Variants in SLURP1 observed in about 807,000 individuals in gnomAD.
SLURP1 encodes secreted LY6/PLAUR domain containing 1, also known as secreted Ly-6/uPAR-related protein 1.
SLURP1 carries 2 observed loss-of-function variants against 7.9 expected under a neutral mutation model. That is an observed-to-expected ratio of 0.25 (90% confidence interval 0.10 to 0.79). The LOEUF is 0.79. SLURP1 is among the 30% of genes least tolerant of loss of function. The pLI is 0.69. For synonymous variants in SLURP1, 59 were observed against 54.9 expected (o/e 1.07, Z -0.33); for missense variants, 111 against 139.8 (o/e 0.79, Z 1.04).
At position 142,741,031 on chromosome 8, in the gene SLURP1, T is replaced by A. The variant is rs1164404151; in HGVS notation, c.*112A>T. The A allele has an allele frequency of 6.6e-7, 1 of 1,513,016 alleles. No homozygotes were observed. The highest frequency in any genetic ancestry group is 9.0e-7 in the Non-Finnish European group (1 of 1,107,234). 93.7% of individuals were successfully genotyped at this position (1,513,016 alleles called of 1,614,324 possible). On this transcript the variant is annotated 3_prime_UTR_variant, in exon 3 of 3. Transcript: ENST00000246515. The surrounding 1 kb of genome is among the most constrained non-coding windows in gnomAD (Gnocchi z 4.3). ...TGTGCTTCTCTCCCCTCAGACCCCA[T>A]GAGTGAGCTGTGCCACAGCAGCAGG...
rs1563825874 is a variant in SLURP1, at chr8:142,741,673, T to C, written c.178+130A>G. 6.9e-7 allele frequency: 1 copy of C among 1,447,000 alleles called. No homozygotes were observed. The highest frequency in any genetic ancestry group is 1.4e-5 in the African/African-American group (1 of 72,064). 89.6% of individuals were successfully genotyped at this position (1,447,000 alleles called of 1,614,324 possible). On this transcript the variant is annotated intron_variant, in intron 2 of 2. Coordinates refer to ENST00000246515, the MANE Select transcript of SLURP1 (RefSeq NM_020427.3). This position sits in a 1 kb window ranked among gnomAD's most constrained non-coding sequence, Gnocchi z 4.3. ...CGTGGAAGGCACCCCTGCCAAGGTG[T>C]GGCAGCCTGTTCTGCCCATCCCACC...
intron 1 of SLURP1, 124 bp from the exon 2 acceptor site, chr8:142,742,046 G>A (rs1028595873): frequency 1.1e-5 from 16 of 1,462,842 alleles, no homozygotes; most frequent in Middle Eastern, 1.8e-4. Flanking sequence ...CCTTCAAGGG[G>A]CCTCTCTGGC....
At position 142,741,378 on chromosome 8, in the gene SLURP1, C is replaced by A. The variant is rs112823881; in HGVS notation, c.179-102G>T. 1.4e-3 allele frequency: 2,066 copies of A among 1,458,050 alleles called. 25 individuals are homozygous for A. The African/African-American group carries it at 0.026, about 18-fold the overall frequency. The allele number at this position is 1,458,050 out of a possible 1,614,324, so 90.3% of individuals were successfully genotyped here. On this transcript the variant is annotated intron_variant, in intron 2 of 2. Coordinates refer to ENST00000246515, the MANE Select transcript of SLURP1 (RefSeq NM_020427.3). This position sits in a 1 kb window ranked among gnomAD's most constrained non-coding sequence, Gnocchi z 4.3. ...CGCCTGACCTCACCCTCCCTGTGAT[C>A]CCTGTTCCCAATAGTCCACATCTGT...
In SLURP1 at chr8:142,741,425, C is replaced by T; in HGVS notation, c.179-149G>A. The T allele has an allele frequency of 9.0e-7, 1 of 1,114,618 alleles. No homozygotes were observed. Among genetic ancestry groups the T allele is most frequent in the Non-Finnish European group, 1.3e-6 (1 of 797,890 alleles). The allele number at this position is 1,114,618 out of a possible 1,614,324, so 69.0% of individuals were successfully genotyped here. A position where few individuals can be genotyped will look rare whatever the true frequency, so the allele number is the denominator to read the frequency against. On this transcript the variant is annotated intron_variant, in intron 2 of 2. Coordinates refer to ENST00000246515, the MANE Select transcript of SLURP1 (RefSeq NM_020427.3). This position sits in a 1 kb window ranked among gnomAD's most constrained non-coding sequence, Gnocchi z 4.3. ...CTGTGAAGCCACCCAGGGCCCAGCC[C>T]TCCTCTGACTGTGACCTGTTCATGA...
Position 142,742,340 on chromosome 8 carries a change from T to C in SLURP1, c.46A>G (p.Ser16Gly), listed in dbSNP as rs1173993799. The stretch of plus-strand genomic sequence containing the variant: ...GCGGCCCACTCACCACAGCCCATGC[T>C]CCAGGCTGCCACGAGCAGCAGCTGC... ...AVQLLLVAAWSMGCGEALKCY... is the reference protein window; with the variant it reads ...AVQLLLVAAWGMGCGEALKCY... The change falls in exon 1 of 3, where the codon AGC becomes GGC. Residue 16 changes from serine to glycine, a missense_variant. Physicochemically the swap from Ser to Gly is moderately conservative, Grantham distance 56. Coordinates refer to ENST00000246515, the MANE Select transcript of SLURP1 (RefSeq NM_020427.3). 1.9e-6 allele frequency: 3 copies of C among 1,612,862 alleles called. No homozygotes were observed. Among genetic ancestry groups the C allele is most frequent in the Non-Finnish European group, 2.5e-6 (3 of 1,180,000 alleles).
rs375034812 is a variant in SLURP1 at position 142,741,822 on chromosome 8, C to A, written c.159G>T (p.Thr53=). 5.6e-6 allele frequency: 9 copies of A among 1,612,598 alleles called. No individual in the cohort carries two copies. The highest frequency in any genetic ancestry group is 4.2e-6 in the Non-Finnish European group (5 of 1,180,006). Residue 53 remains threonine (T), a synonymous_variant, in exon 2 of 3, where the codon ACG becomes ACT. Coordinates refer to ENST00000246515, the MANE Select transcript of SLURP1 (RefSeq NM_020427.3). This position sits in a 1 kb window ranked among gnomAD's most constrained non-coding sequence, Gnocchi z 4.3. ...CCTCACCTGCCTCCACCGTCACCAG[C>A]GTGGTCATGCAGGCTGTGTCCTCTG... ...CKPEDTACMT[T]LVTVEAEYPF...
rs1815885371 is a variant in SLURP1, at chr8:142,742,354, A to G, written c.32T>C (p.Leu11Pro). Reference sequence around the variant, plus strand: ...ACAGCCCATGCTCCAGGCTGCCACGAGCAGCAGCTGCACAGCCCAGCGAGA... The same window carrying G: ...ACAGCCCATGCTCCAGGCTGCCACGGGCAGCAGCTGCACAGCCCAGCGAGA... MASRWAVQLL[L>P]VAAWSMGCGE... Residue 11 changes from leucine to proline, a missense_variant, in exon 1 of 3, where the codon CTC (leucine) becomes CCC (proline). Physicochemically the swap from Leu to Pro is moderately conservative, Grantham distance 98. Transcript: ENST00000246515. The G allele has an allele frequency of 1.2e-6, 2 of 1,612,860 alleles. No homozygotes were observed. Among genetic ancestry groups the G allele is most frequent in the African/African-American group, 1.3e-5 (1 of 74,936 alleles).
In SLURP1 at chr8:142,741,729, C is replaced by A. The variant is rs61211804; in HGVS notation, c.178+74G>T. On this transcript the variant is annotated intron_variant, in intron 2 of 2. Transcript: ENST00000246515. The surrounding 1 kb of genome is among the most constrained non-coding windows in gnomAD (Gnocchi z 4.3). ...CCTTTTGGGCCGGGAGGAGCACCAG[C>A]AAAGGAGGGAGGCACTTGGGGGAGG... The A allele has an allele frequency of 2.3e-3, 3,633 of 1,597,890 alleles. 73 individuals are homozygous for A. The African/African-American group carries it at 0.04, about 17-fold the overall frequency.
At chr8:142,742,008 G>A (rs1388192038) in intron 1 of SLURP1, 86 bp from the exon 2 acceptor site, 9 of 1,583,218 alleles carry the variant, frequency 5.7e-6, no homozygotes, top group East Asian at 2.3e-5. Flanking sequence ...AAGGAGTCTC[G>A]CTGACATCTT....
Position 142,741,036 on chromosome 8 carries a change from G to C in SLURP1, c.*107C>G. 6.5e-7 allele frequency: 1 copy of C among 1,533,274 alleles called. No individual in the cohort carries two copies. The highest frequency in any genetic ancestry group is 8.9e-7 in the Non-Finnish European group (1 of 1,124,458). The allele number at this position is 1,533,274 out of a possible 1,614,324, so 95.0% of individuals were successfully genotyped here. A position where few individuals can be genotyped will look rare whatever the true frequency, so the allele number is the denominator to read the frequency against. On this transcript the variant is annotated 3_prime_UTR_variant, in exon 3 of 3. Transcript: ENST00000246515. The surrounding 1 kb of genome is among the most constrained non-coding windows in gnomAD (Gnocchi z 4.3). Reference sequence around the variant, plus strand: ...TTCTCTCCCCTCAGACCCCATGAGTGAGCTGTGCCACAGCAGCAGGAAGCA... The same window carrying C: ...TTCTCTCCCCTCAGACCCCATGAGTCAGCTGTGCCACAGCAGCAGGAAGCA...
chr8:142,742,011 G>A, intron 1 of SLURP1, 89 bp from the exon 2 acceptor site: 1 of 1,580,850 alleles, frequency 6.3e-7, no homozygotes, highest in Non-Finnish European at 8.6e-7. Flanking sequence ...GAGTCTCGCT[G>A]ACATCTTTCA....
Position 142,741,716 on chromosome 8 carries a change from G to A in SLURP1, c.178+87C>T. 1.3e-6 allele frequency: 2 copies of A among 1,591,888 alleles called. No homozygotes were observed. The highest frequency in any genetic ancestry group is 2.2e-5 in the East Asian group (1 of 44,732). ...ATCCCACCTGCTGCCTTTTGGGCCG[G>A]GAGGAGCACCAGCAAAGGAGGGAGG... On this transcript the variant is annotated intron_variant, in intron 2 of 2. Coordinates refer to ENST00000246515, the MANE Select transcript of SLURP1 (RefSeq NM_020427.3). The surrounding 1 kb of genome is among the most constrained non-coding windows in gnomAD (Gnocchi z 4.3).
At position 142,741,206 on chromosome 8, in the gene SLURP1, G is replaced by A. The variant is rs752924433; in HGVS notation, c.249C>T (p.Asp83=). 14 of 1,610,218 alleles carry A rather than the reference G, an allele frequency of 8.7e-6. No individual in the cohort carries two copies. Among genetic ancestry groups the A allele is most frequent in the Non-Finnish European group, 1.2e-5 (14 of 1,179,894 alleles). ...CSSSCVATDP[D]SIGAAHLIFC... ...AGATCAGGTGGGCGGCCCCGATGCTGTCGGGGTCGGTGGCCACACAGGAGC... is the reference window on the plus strand; with the variant it reads ...AGATCAGGTGGGCGGCCCCGATGCTATCGGGGTCGGTGGCCACACAGGAGC... The change falls in exon 3 of 3, where the codon GAC becomes GAT. Residue 83 remains aspartate (D), a synonymous_variant. Transcript: ENST00000246515. The surrounding 1 kb of genome is among the most constrained non-coding windows in gnomAD (Gnocchi z 4.3).
intron 1 of SLURP1, 116 bp downstream of exon 1, chr8:142,742,212 C>A: frequency 2.5e-6 from 3 of 1,183,554 alleles, no homozygotes; most frequent in South Asian, 1.3e-5. Context: ...GAGGGTGAGC[C>A]TCATGGAGGC....
chr8:142,742,201 G>A, intron 1 of SLURP1, 127 bp downstream of exon 1: 1 of 1,106,598 alleles, frequency 9.0e-7, no homozygotes, highest in South Asian at 1.3e-5. Context: ...CTGAGAATGA[G>A]GAGGGTGAGC....
At position 142,741,371 on chromosome 8, in the gene SLURP1, C is replaced by T; in HGVS notation, c.179-95G>A. On this transcript the variant is annotated intron_variant, in intron 2 of 2. Coordinates refer to ENST00000246515, the MANE Select transcript of SLURP1 (RefSeq NM_020427.3). The surrounding 1 kb of genome is among the most constrained non-coding windows in gnomAD (Gnocchi z 4.3). Reference sequence around the variant, plus strand: ...CCGCCGTCGCCTGACCTCACCCTCCCTGTGATCCCTGTTCCCAATAGTCCA... The same window carrying T: ...CCGCCGTCGCCTGACCTCACCCTCCTTGTGATCCCTGTTCCCAATAGTCCA... 1 of 1,466,978 alleles carries T rather than the reference C, an allele frequency of 6.8e-7. No individual in the cohort carries two copies. 90.9% of individuals were successfully genotyped at this position (1,466,978 alleles called of 1,614,324 possible). A position where few individuals can be genotyped will look rare whatever the true frequency, so the allele number is the denominator to read the frequency against.
rs759689765 is a variant in SLURP1, at chr8:142,741,286, G to A, written c.179-10C>T. The A allele has an allele frequency of 1.9e-6, 3 of 1,583,490 alleles. No individual in the cohort carries two copies. Among genetic ancestry groups the A allele is most frequent in the Middle Eastern group, 2.2e-4 (1 of 4,576 alleles). The stretch of plus-strand genomic sequence containing the variant: ...TGGTTGAAGGGGTACTCTGCAGGGT[G>A]GGCCAGTGTCAGAACCCTCACTCCC... On this transcript the variant is annotated splice_polypyrimidine_tract_variant and intron_variant, in intron 2 of 2. Coordinates refer to ENST00000246515, the MANE Select transcript of SLURP1 (RefSeq NM_020427.3). The surrounding 1 kb of genome is among the most constrained non-coding windows in gnomAD (Gnocchi z 4.3).
In SLURP1 at chr8:142,741,890, GCTC is replaced by G; in HGVS notation, c.88_90del (p.Glu30del). On this transcript the variant is annotated inframe_deletion, in exon 2 of 3. Transcript: ENST00000246515. This position sits in a 1 kb window ranked among gnomAD's most constrained non-coding sequence, Gnocchi z 4.3. ...GTCCTGCAGGAAGCACTGGTCATGG[GCTC>G]CTTGCAGGTGTAGCACTTGAGGGCC... 1.2e-6 allele frequency: 2 copies of G among 1,613,010 alleles called. No homozygotes were observed. Among genetic ancestry groups the G allele is most frequent in the Non-Finnish European group, 1.7e-6 (2 of 1,179,986 alleles).
At position 142,742,322 on chromosome 8, in the gene SLURP1, A is replaced by T. The variant is rs1253264186; in HGVS notation, c.58+6T>A. 1 of 1,612,710 alleles carries T rather than the reference A, an allele frequency of 6.2e-7. No homozygotes were observed. The highest frequency in any genetic ancestry group is 1.7e-5 in the Admixed American group (1 of 60,004). The stretch of plus-strand genomic sequence containing the variant: ...CAGGGTCCCCACCAGCCTGCGGCCC[A>T]CTCACCACAGCCCATGCTCCAGGCT... On this transcript the variant is annotated splice_donor_region_variant and intron_variant, in intron 1 of 2. Transcript: ENST00000246515.
Sources: allele counts gnomAD v4.1 joint callset, GRCh38; gene constraint gnomAD v4.1.1; non-coding constraint Gnocchi (gnomAD v3.1); transcripts MANE v1.5; gene names NCBI Gene and HGNC (gene_info 2026-07-23, HGNC 2026-07-21).